PRSS37: variants seen among roughly 807,000 people sequenced by gnomAD.
PRSS37 encodes serine protease 37.
A neutral mutation model predicts 28.0 loss-of-function variants in PRSS37; 25 were observed. The observed-to-expected ratio is 0.89, with a 90% CI of 0.65 to 1.25. The LOEUF (loss-of-function observed/expected upper bound fraction) is 1.25. Among genes scored for constraint, PRSS37 ranks in the 50% most tolerant of loss-of-function variants. The pLI is 0.00. For synonymous variants in PRSS37, 109 were observed against 107.8 expected, an observed-to-expected ratio of 1.01 and a Z score of -0.07; for missense variants, 282 against 292.2, an observed-to-expected ratio of 0.97 and a Z score of 0.25.
intron 2 of PRSS37, chr7:141,838,931 C>A (rs1350703459): frequency 4.4e-6 from 2 of 454,142 alleles, no homozygotes; most frequent in East Asian, 6.9e-5. Flanking sequence ...CTTCTTAAAA[C>A]TCACCTCAAT....
At chr7:141,836,993 G>T in intron 4 of PRSS37, 119 bp downstream of exon 4, 1 of 1,032,902 alleles carries the variant, frequency 9.7e-7, no homozygotes, top group Non-Finnish European at 1.4e-6. Flanking sequence ...TGGCTTTGCA[G>T]CAGCCTTATC....
chr7:141,838,056 C>G lies in PRSS37; in HGVS notation c.234G>C (p.Gln78His), dbSNP rs201423018. 7 of 1,614,162 alleles carry G rather than the reference C, an allele frequency of 4.3e-6. No individual in the cohort carries two copies. In the Admixed American group the frequency reaches 1.0e-4, roughly 23 times the overall value. The change falls in exon 3 of 5, where the codon CAG becomes CAC. Residue 78 changes from glutamine to histidine, a missense_variant. Coordinates refer to ENST00000350549, the MANE Select transcript of PRSS37 (RefSeq NM_001008270.3). ...FKSRVRDGTE[Q>H]TINPIQIVRY... ...GGACGATCTGAATGGGGTTAATTGT[C>G]TGTTCAGTACCGTCTCTGACTCTGC...
At chr7:141,837,362 A>G in intron 3 of PRSS37, 114 bp from the exon 4 acceptor site, 1 of 1,324,424 alleles carries the variant, frequency 7.6e-7, no homozygotes, top group East Asian at 2.3e-5. Context: ...AAAGAAAATA[A>G]GGAATGCGAC....
chr7:141,841,238 G>T lies in PRSS37; in HGVS notation c.-189C>A. On this transcript the variant is annotated 5_prime_UTR_variant, in exon 1 of 5. Coordinates refer to ENST00000350549, the MANE Select transcript of PRSS37 (RefSeq NM_001008270.3). ...GGGAGATGGCTTCAGAGAGACAGAT[G>T]AAAGCCCTCTGTTCCAGGGAAGGTG... The T allele has an allele frequency of 7.7e-7, 1 of 1,301,430 alleles. No homozygotes were observed. Among genetic ancestry groups the T allele is most frequent in the Non-Finnish European group, 1.0e-6 (1 of 981,026 alleles). 80.6% of individuals were successfully genotyped at this position (1,301,430 alleles called of 1,614,324 possible).
At chr7:141,838,228 TAACTCAC>T in intron 2 of PRSS37, 115 bp from the exon 3 acceptor site, 1 of 1,528,480 alleles carries the variant, frequency 6.5e-7, no homozygotes, top group Non-Finnish European at 8.8e-7. Flanking sequence ...TTATGTCATT[TAACTCAC>T]AACAAGTCTA....
chr7:141,839,974 T>C (rs1032835965), intron 1 of PRSS37, among the ~76,000 whole-genome samples: 1 of 152,178 alleles, frequency 6.6e-6, no homozygotes, highest in African/African-American at 2.4e-5. Flanking sequence ...TGGAACATCA[T>C]ATATAATAAA....
rs765954772 is a variant in PRSS37 at position 141,837,127 on chromosome 7, G to T, written c.552C>A (p.Phe184Leu). 1.4e-5 allele frequency: 23 copies of T among 1,612,324 alleles called. No individual in the cohort carries two copies. Among genetic ancestry groups the T allele is most frequent in the Non-Finnish European group, 1.9e-5 (23 of 1,179,576 alleles). Reference sequence around the variant, plus strand: ...ATAAGATTACCCCAAAAATTCGGCTGAATACTTTCACAAATTTCACACATA... The same window carrying T: ...ATAAGATTACCCCAAAAATTCGGCTTAATACTTTCACAAATTTCACACATA... ...NSLCVKFVKV[F>L]SRIFGEVAVA... Residue 184 changes from phenylalanine (F) to leucine (L), a missense_variant, in exon 4 of 5, where the codon TTC becomes TTA. Phe to Leu is a conservative substitution (Grantham distance 22). Transcript: ENST00000350549.
chr7:141,839,081 C>T (rs1752286452), intron 2 of PRSS37: 10 of 619,442 alleles, frequency 1.6e-5, no homozygotes, highest in East Asian at 9.7e-5. Context: ...GGTTCCTCAA[C>T]AGTGGCACTA....
At position 141,836,495 on chromosome 7, in the gene PRSS37, T is replaced by C; in HGVS notation, c.608A>G (p.Gln203Arg). The C allele has an allele frequency of 1.9e-6, 3 of 1,614,086 alleles. No homozygotes were observed. Among genetic ancestry groups the C allele is most frequent in the Non-Finnish European group, 2.5e-6 (3 of 1,180,008 alleles). ...CATGAAGTGCCCCACCTCGATTCCC[T>C]GGAGCTTGTCTTTGCAGATGACAGT... Reference protein sequence around the residue: ...VATVICKDKLQGIEVGHFMGG... With the variant: ...VATVICKDKLRGIEVGHFMGG... Residue 203 changes from glutamine (Q) to arginine (R), a missense_variant, in exon 5 of 5, where the codon CAG becomes CGG. Coordinates refer to ENST00000350549, the MANE Select transcript of PRSS37 (RefSeq NM_001008270.3).
In PRSS37 at chr7:141,841,279, G is replaced by C; in HGVS notation, c.-230C>G. ...AGGGAAGGTGGAGGACTGTGCCTCTGTTGGGGCATTTCAGGGAAGGAAACT... is the reference window on the plus strand; with the variant it reads ...AGGGAAGGTGGAGGACTGTGCCTCTCTTGGGGCATTTCAGGGAAGGAAACT... On this transcript the variant is annotated 5_prime_UTR_variant, in exon 1 of 5. Transcript: ENST00000350549. 2.3e-6 allele frequency: 2 copies of C among 888,050 alleles called. No individual in the cohort carries two copies. Among genetic ancestry groups the C allele is most frequent in the Non-Finnish European group, 3.2e-6 (2 of 629,438 alleles). 55.0% of individuals were successfully genotyped at this position (888,050 alleles called of 1,614,324 possible). A position where few individuals can be genotyped will look rare whatever the true frequency, so the allele number is the denominator to read the frequency against.
At position 141,836,444 on chromosome 7, in the gene PRSS37, T is replaced by C. The variant is rs763856428; in HGVS notation, c.659A>G (p.Asn220Ser). 3.7e-6 allele frequency: 6 copies of C among 1,614,030 alleles called. No homozygotes were observed. In the South Asian group the frequency reaches 4.4e-5, roughly 12 times the overall value. The change falls in exon 5 of 5, where the codon AAT (asparagine) becomes AGT (serine). Residue 220 changes from asparagine (N) to serine (S), a missense_variant. Asn to Ser is a conservative substitution (Grantham distance 46). Coordinates refer to ENST00000350549, the MANE Select transcript of PRSS37 (RefSeq NM_001008270.3). ...FMGGDVGIYTNVYKYVSWIEN... is the reference protein window; with the variant it reads ...FMGGDVGIYTSVYKYVSWIEN... ...AATCCAGGATACATATTTGTAAACA[T>C]TGGTGTAGATGCCGACGTCCCCTCC...
At chr7:141,840,975 CTG>C (rs769920084) in intron 1 of PRSS37, 39 bp downstream of exon 1, 6 of 1,603,216 alleles carry the variant, frequency 3.7e-6, no homozygotes, top group Non-Finnish European at 8.5e-7. Context: ...ATCCATTAAA[CTG>C]TGCCTTACAG....
Position 141,836,488 on chromosome 7 carries a change from GAT to G in PRSS37, c.613_614del (p.Ile205ArgfsTer24). On this transcript the variant is annotated frameshift_variant, in exon 5 of 5. Coordinates refer to ENST00000350549, the MANE Select transcript of PRSS37 (RefSeq NM_001008270.3). LOFTEE classifies it high-confidence loss of function. ...CCCCTCCCATGAAGTGCCCCACCTC[GAT>G]TCCCTGGAGCTTGTCTTTGCAGATG... ...TVICKDKLQG[I>X]EVGHFMGGDV... The G allele has an allele frequency of 6.2e-7, 1 of 1,614,024 alleles. No homozygotes were observed.
rs181299395 is a variant in PRSS37, at chr7:141,837,346, G to A, written c.431-98C>T. The A allele has an allele frequency of 1.5e-5, 21 of 1,402,814 alleles. No homozygotes were observed. The East Asian group carries it at 4.4e-4, about 29-fold the overall frequency. The allele number at this position is 1,402,814 out of a possible 1,614,324, so 86.9% of individuals were successfully genotyped here. A position where few individuals can be genotyped will look rare whatever the true frequency, so the allele number is the denominator to read the frequency against. On this transcript the variant is annotated intron_variant, in intron 3 of 4. Coordinates refer to ENST00000350549, the MANE Select transcript of PRSS37 (RefSeq NM_001008270.3). ...TATTTCAACTGGTATCTTTTTGTGT[G>A]TGTTTAAAGAAAATAAGGAATGCGA...
intron 2 of PRSS37, 177 bp from the exon 3 acceptor site, chr7:141,838,290 G>T (rs1801035421): frequency 1.0e-6 from 1 of 981,412 alleles, no homozygotes; most frequent in Non-Finnish European, 1.4e-6. Flanking sequence ...ATGAATTAAT[G>T]GGGGCACATA....
At position 141,841,094 on chromosome 7, in the gene PRSS37, A is replaced by C. The variant is rs1286279871; in HGVS notation, c.-45T>G. On this transcript the variant is annotated 5_prime_UTR_variant, in exon 1 of 5. Coordinates refer to ENST00000350549, the MANE Select transcript of PRSS37 (RefSeq NM_001008270.3). ...CTGTGAGATGTAGAAGAAAATCAGC[A>C]GAGTGTGGAGCGGTTGGCTTAGTTG... The C allele has an allele frequency of 5.0e-6, 8 of 1,612,384 alleles. No homozygotes were observed. Among genetic ancestry groups the C allele is most frequent in the Non-Finnish European group, 6.8e-6 (8 of 1,178,798 alleles).
rs1801082928 is a variant in PRSS37 at position 141,839,355 on chromosome 7, T to C, written c.159A>G (p.Pro53=). The change falls in exon 2 of 5, where the codon CCA becomes CCG. Residue 53 remains proline (P), a synonymous_variant. Coordinates refer to ENST00000350549, the MANE Select transcript of PRSS37 (RefSeq NM_001008270.3). ...VLIKPSWVLA[P]AHCYLPNLKV... ...TACTCAACGGTAAATAGCAGTGAGC[T>C]GGGGCCAGCACCCAGCTGGGTTTGA... The C allele has an allele frequency of 6.2e-7, 1 of 1,613,868 alleles. No individual in the cohort carries two copies. The highest frequency in any genetic ancestry group is 8.5e-7 in the Non-Finnish European group (1 of 1,179,822).
At chr7:141,839,253 T>C in intron 2 of PRSS37, 85 bp downstream of exon 2, 1 of 1,394,544 alleles carries the variant, frequency 7.2e-7, no homozygotes, top group African/African-American at 1.4e-5. Flanking sequence ...AAGTGTACCC[T>C]GTAGAGAAGT....
At chr7:141,838,289 TGGG>T in intron 2 of PRSS37, 176 bp from the exon 3 acceptor site, 1 of 1,430,966 alleles carries the variant, frequency 7.0e-7, no homozygotes, top group Non-Finnish European at 9.2e-7. Context: ...CATGAATTAA[TGGG>T]GGCACATAGG....
Sources: allele counts gnomAD v4.1 joint callset (sites outside exome capture counted in the v4.1 genomes callset), GRCh38; gene constraint gnomAD v4.1.1; transcripts MANE v1.5; gene names NCBI Gene and HGNC (gene_info 2026-07-23, HGNC 2026-07-21).